RNF216: variants seen among roughly 807,000 people sequenced by gnomAD.
The protein encoded by RNF216 is ring finger protein 216, also known as E3 ubiquitin-protein ligase RNF216.
A neutral mutation model predicts 110.8 loss-of-function variants in RNF216; 72 were observed. That is an observed-to-expected ratio of 0.65 (90% CI 0.54 to 0.79). The LOEUF (loss-of-function observed/expected upper bound fraction) is 0.79. Among genes scored for constraint, RNF216 ranks in the 30% least tolerant of loss-of-function variants. RNF216 has a pLI of 0.00. For missense variants in RNF216, 1,342 were observed against 1,141.2 expected, an observed-to-expected ratio of 1.18 and a Z score of -2.54; for synonymous variants, 495 against 407.5, an observed-to-expected ratio of 1.21 and a Z score of -2.59.
intron 13 of RNF216, among the ~76,000 whole-genome samples, chr7:5,674,771 A>AGGAG (rs1790163099): frequency 6.6e-6 from 1 of 152,124 alleles, no homozygotes. Context: ...CGAGGTTGGC[A>AGGAG]GATCACCTGA....
At chr7:5,652,167 G>A (rs1319254084) in intron 14 of RNF216, among the ~76,000 whole-genome samples, 1 of 152,066 alleles carries the variant, frequency 6.6e-6, no homozygotes, top group Admixed American at 6.6e-5. Flanking sequence ...AGGAAAAGGG[G>A]GACCATCATT....
chr7:5,769,381 G>C (rs1011168099), intron 1 of RNF216, among the ~76,000 whole-genome samples: 7 of 151,986 alleles, frequency 4.6e-5, no homozygotes, highest in African/African-American at 1.2e-4. Context: ...CTCCCGAAGT[G>C]TTGGGATTAC....
chr7:5,632,849 T>C (rs1340758831), intron 15 of RNF216, among the ~76,000 whole-genome samples: 2 of 152,036 alleles, frequency 1.3e-5, no homozygotes, highest in Non-Finnish European at 2.9e-5. Flanking sequence ...CACAGTGGGA[T>C]CCAATGAGTA....
chr7:5,752,021 C>CT lies in RNF216; in HGVS notation c.201+824dup, dbSNP rs1795358085. 3.9e-5 allele frequency among the ~76,000 whole-genome samples: 6 copies of CT among 151,926 alleles called. No individual in the cohort carries two copies. The South Asian group carries it at 1.2e-3, about 32-fold the overall frequency. ...GCCAAGATAGTTAAACCTATCTCTG[C>CT]TAAAAATACAAAAATTAGCCAGGCC... is the stretch of plus-strand genomic sequence containing the variant. On this transcript the variant is annotated intron_variant, in intron 3 of 16. Coordinates refer to ENST00000389902, the MANE Select transcript of RNF216 (RefSeq NM_207111.4).
chr7:5,675,215 T>C (rs1174283855), intron 13 of RNF216, among the ~76,000 whole-genome samples: 3 of 152,226 alleles, frequency 2.0e-5, no homozygotes, highest in Non-Finnish European at 4.4e-5. Flanking sequence ...GTTACTATGC[T>C]GGGCACTTCA....
chr7:5,761,784 A>C (rs1233710350), intron 1 of RNF216, among the ~76,000 whole-genome samples: 1 of 150,350 alleles, frequency 6.7e-6, no homozygotes, highest in African/African-American at 2.5e-5. Flanking sequence ...AGACTCCGTC[A>C]CAAAAAAAAA....
chr7:5,620,422 G>C lies in RNF216; in HGVS notation c.*2438C>G, dbSNP rs1371276250. The C allele has an allele frequency of 1.3e-5, 2 of 152,326 alleles. No homozygotes were observed. The highest frequency in any genetic ancestry group is 2.9e-5 in the Non-Finnish European group (2 of 68,174). The allele number at this position is 152,326 out of a possible 1,614,324, so 9.4% of individuals were successfully genotyped here. A position where few individuals can be genotyped will look rare whatever the true frequency, so the allele number is the denominator to read the frequency against. ...GCACTGGCACGGCCCCTTGCTGGCT[G>C]GTCTGAAGACCCCCAGTGCTTCTCT... On this transcript the variant is annotated 3_prime_UTR_variant, in exon 17 of 17. Transcript: ENST00000389902.
intron 13 of RNF216, among the ~76,000 whole-genome samples, chr7:5,665,634 G>A (rs372057838): frequency 1.3e-5 from 2 of 151,934 alleles, no homozygotes; most frequent in Non-Finnish European, 2.9e-5. Context: ...CATAGCTGCC[G>A]GCTTTTTACT....
At chr7:5,631,885 C>A (rs888227399) in intron 15 of RNF216, among the ~76,000 whole-genome samples, 2 of 152,206 alleles carry the variant, frequency 1.3e-5, no homozygotes, top group African/African-American at 4.8e-5. Flanking sequence ...GCTCTGCCCC[C>A]ACGAGGTCCT....
chr7:5,758,833 C>T (rs1008588555), intron 2 of RNF216, among the ~76,000 whole-genome samples: 1 of 152,020 alleles, frequency 6.6e-6, no homozygotes, highest in African/African-American at 2.4e-5. Flanking sequence ...TGAGTTAATG[C>T]TAGAATGAGT....
intron 12 of RNF216, 69 bp from the exon 13 acceptor site, chr7:5,711,908 G>A (rs775075695): frequency 1.3e-5 from 18 of 1,382,294 alleles, no homozygotes; most frequent in Non-Finnish European, 1.8e-5. Context: ...AGCTCCATGT[G>A]GCTGTTCATA....
At chr7:5,760,439 C>G (rs781406365) in intron 2 of RNF216, 1 of 385,450 alleles carries the variant, frequency 2.6e-6, no homozygotes. Flanking sequence ...TCATTTGAAC[C>G]CAGGAGGCGG....
At chr7:5,660,313 G>A in intron 13 of RNF216, among the ~76,000 whole-genome samples, 1 of 58,928 alleles carries the variant, frequency 1.7e-5, no homozygotes, top group Non-Finnish European at 3.5e-5. Context: ...TTTTTTTTGA[G>A]ATGGAGTCTC....
intron 1 of RNF216, among the ~76,000 whole-genome samples, chr7:5,763,837 T>G (rs1174025410): frequency 6.6e-6 from 1 of 152,160 alleles, no homozygotes; most frequent in Non-Finnish European, 1.5e-5. Flanking sequence ...CTTCCCAAAG[T>G]GCTGCGATTA....
intron 14 of RNF216, among the ~76,000 whole-genome samples, chr7:5,651,411 T>C (rs1788380875): frequency 6.6e-6 from 1 of 151,906 alleles, no homozygotes; most frequent in African/African-American, 2.4e-5. Context: ...TTTTTATTTT[T>C]TGTAGAGATG....
Position 5,725,361 on chromosome 7 carries a change from C to T in RNF216, c.1467G>A (p.Met489Ile). The change falls in exon 8 of 17, where the codon ATG becomes ATA. Residue 489 changes from methionine to isoleucine, a missense_variant. Met to Ile is a conservative substitution (Grantham distance 10). Transcript: ENST00000389902. ...TGAAATCAATGTAAGAATACTGGTTCATTTGTTTTCTCTTCTTCCTTTTTC... is the reference window on the plus strand; with the variant it reads ...TGAAATCAATGTAAGAATACTGGTTTATTTGTTTTCTCTTCTTCCTTTTTC... Reference protein sequence around the residue: ...TSGKRKKRKQMNQYSYIDFKF... With the variant: ...TSGKRKKRKQINQYSYIDFKF... 2 of 1,613,096 alleles carry T rather than the reference C, an allele frequency of 1.2e-6. No individual in the cohort carries two copies. The highest frequency in any genetic ancestry group is 1.1e-5 in the South Asian group (1 of 91,042).
intron 13 of RNF216, among the ~76,000 whole-genome samples, chr7:5,694,659 G>T (rs1791519078): frequency 6.6e-6 from 1 of 152,188 alleles, no homozygotes; most frequent in Non-Finnish European, 1.5e-5. Flanking sequence ...GCAATTTGAG[G>T]ACCTGCCTGC....
At position 5,696,183 on chromosome 7, in the gene RNF216, C is replaced by T. The variant is rs1791615687; in HGVS notation, c.2061+15578G>A. Among the ~76,000 whole-genome samples the T allele has an allele frequency of 6.6e-6, 1 of 152,212 alleles. No individual in the cohort carries two copies. The highest frequency in any genetic ancestry group is 2.4e-5 in the African/African-American group (1 of 41,450). ...ATGTGGTGACGAAGAGCAGTTGGTACCGCATGGCTTTAAATTGTTTGTATT... is the reference window on the plus strand; with the variant it reads ...ATGTGGTGACGAAGAGCAGTTGGTATCGCATGGCTTTAAATTGTTTGTATT... On this transcript the variant is annotated intron_variant, in intron 13 of 16. Transcript: ENST00000389902. The surrounding 1 kb of genome is among the most constrained non-coding windows in gnomAD (Gnocchi z 5.4).
intron 14 of RNF216, among the ~76,000 whole-genome samples, chr7:5,643,138 C>CATTGCTGAAATGTTAAACAGCTATTCAAT (rs1440060081): frequency 2.6e-5 from 4 of 152,132 alleles, no homozygotes; most frequent in African/African-American, 9.7e-5. Flanking sequence ...TGCAACTCAA[C>CATTGCTGAAATGTTAAACAGCTATTCAAT]ATTGCTGAAA....
Sources: gnomAD v4.1 joint callset for allele counts (sites outside exome capture counted in the v4.1 genomes callset) on GRCh38, gnomAD v4.1.1 for gene constraint, Gnocchi (gnomAD v3.1) non-coding constraint, MANE v1.5 for transcripts, NCBI Gene and HGNC (gene_info 2026-07-23, HGNC 2026-07-21) for gene names.